Variants in NEBL observed in about 807,000 individuals in gnomAD.
NEBL encodes nebulette.
In NEBL, 122 loss-of-function variants were observed where a neutral mutation model predicts 140.2. The ratio of observed to expected loss-of-function variants is 0.87; its 90% CI spans 0.75 to 1.01. The LOEUF (loss-of-function observed/expected upper bound fraction) is 1.01. NEBL is among the 50% of genes least tolerant of loss of function. The pLI, the probability that NEBL is intolerant of heterozygous loss-of-function variation, is 0.00. For synonymous variants in NEBL, 436 were observed against 398.9 expected (o/e 1.09, Z -1.11); for missense variants, 1,365 against 1,231.3 (o/e 1.11, Z -1.62).
In NEBL at chr10:20,850,790, G is replaced by A. The variant is rs138269177; in HGVS notation, c.1009-288C>T. 1.6e-3 allele frequency among the ~76,000 whole-genome samples: 238 copies of A among 152,274 alleles called. 1 individual carries two copies. The highest frequency in any genetic ancestry group is 2.8e-3 in the African/African-American group (115 of 41,556). Reference sequence around the variant, plus strand: ...TGGCTGGAATATATAGATATGTATCGTATATATGGGGTTATACATGTATAT... The same window carrying A: ...TGGCTGGAATATATAGATATGTATCATATATATGGGGTTATACATGTATAT... On this transcript the variant is annotated intron_variant, in intron 10 of 27. Transcript: ENST00000377122.
chr10:21,156,901 A>C (rs1224392812), intron 2 of NEBL, among the ~76,000 whole-genome samples: 2 of 152,204 alleles, frequency 1.3e-5, no homozygotes, highest in Non-Finnish European at 2.9e-5. Context: ...TTAAAATAAA[A>C]CAAGAACTAT....
chr10:21,068,465 T>C (rs1466657318), intron 2 of NEBL, among the ~76,000 whole-genome samples: 1 of 152,190 alleles, frequency 6.6e-6, no homozygotes, highest in Non-Finnish European at 1.5e-5. Context: ...CTTGGAGCTT[T>C]CAATCAAACT....
At chr10:20,854,536 A>G (rs1842857447) in intron 9 of NEBL, among the ~76,000 whole-genome samples, 1 of 150,760 alleles carries the variant, frequency 6.6e-6, no homozygotes, top group Admixed American at 6.6e-5. Context: ...CCCCCCAGGA[A>G]GGACATGAAA....
chr10:21,224,567 A>G (rs1258868796), intron 3 of NEBL, among the ~76,000 whole-genome samples: 1 of 152,076 alleles, frequency 6.6e-6, no homozygotes, highest in Non-Finnish European at 1.5e-5. Flanking sequence ...TGGTATTTTG[A>G]TAAGGATTGC....
At chr10:20,899,085 A>G (rs1847724381), upstream of NEBL, among the ~76,000 whole-genome samples, 2 of 152,230 alleles carry the variant, frequency 1.3e-5, no homozygotes, top group South Asian at 4.1e-4. Flanking sequence ...GGATTCCACA[A>G]GGACATTCCT....
intron 2 of NEBL, among the ~76,000 whole-genome samples, chr10:20,894,877 C>T (rs1847337998): frequency 1.4e-5 from 2 of 146,922 alleles, no homozygotes; most frequent in Admixed American, 6.9e-5. Flanking sequence ...TGCAGTGAGC[C>T]GAGATCGTGC....
chr10:21,015,543 T>G (rs1411602470), intron 3 of NEBL, among the ~76,000 whole-genome samples: 1 of 152,210 alleles, frequency 6.6e-6, no homozygotes, highest in Non-Finnish European at 1.5e-5. Flanking sequence ...AGTCTTGCTG[T>G]GTCAGCCAGG....
chr10:21,020,130 T>C, exon 3 of NEBL: 1 of 1,613,830 alleles, frequency 6.2e-7, no homozygotes, highest in Non-Finnish European at 8.5e-7. Flanking sequence ...ACTCTGCAAT[T>C]CACTTTGCTG....
At chr10:21,089,187 A>G (rs2131958946) in intron 2 of NEBL, among the ~76,000 whole-genome samples, 1 of 152,320 alleles carries the variant, frequency 6.6e-6, no homozygotes, top group East Asian at 1.9e-4. Flanking sequence ...GGATGCTGAC[A>G]TTCAGGAACT....
chr10:21,186,994 G>A (rs1021650997), intron 3 of NEBL, among the ~76,000 whole-genome samples: 39 of 91,668 alleles, frequency 4.3e-4, no homozygotes, highest in Admixed American at 7.3e-4. Flanking sequence ...CTGTATGTGT[G>A]TGTGTGTGTG....
Position 21,227,721 on chromosome 10 carries a change from TTCTTCTTCTTCTTC to T in NEBL, n.348+20186_348+20199del, listed in dbSNP as rs1842182398. Among the ~76,000 whole-genome samples the T allele has an allele frequency of 1.7e-3, 118 of 69,338 alleles. 1 individual carries two copies. The highest frequency in any genetic ancestry group is 5.3e-3 in the African/African-American group (104 of 19,520). 45.5% of individuals were successfully genotyped at this position (69,338 alleles called of 152,430 possible). A position where few individuals can be genotyped will look rare whatever the true frequency, so the allele number is the denominator to read the frequency against. ...TTCTTCTTCTTCTTCTTTCTTCTTC[TTCTTCTTCTTCTTC>T]TTCTTCTTCTTCTTCTTCTTCTTCT... On this transcript the variant is annotated intron_variant and non_coding_transcript_variant, in intron 3 of 8. Transcript: ENST00000675702.
At chr10:21,145,917 C>A (rs1839869182) in intron 2 of NEBL, among the ~76,000 whole-genome samples, 1 of 152,170 alleles carries the variant, frequency 6.6e-6, no homozygotes, top group African/African-American at 2.4e-5. Flanking sequence ...CTCTGGACCG[C>A]AGCTCGGGCC....
intron 2 of NEBL, among the ~76,000 whole-genome samples, chr10:21,101,947 C>A (rs990828011): frequency 1.3e-5 from 2 of 152,238 alleles, no homozygotes; most frequent in African/African-American, 4.8e-5. Flanking sequence ...AAAGCATTGT[C>A]CAAGACAGAG....
rs780937421 is a variant in NEBL, at chr10:20,858,227, A to G, written c.903+13T>C. On this transcript the variant is annotated intron_variant, in intron 9 of 27. Transcript: ENST00000377122. ...ACAAGGCAACTACGGTTGCCGCTAG[A>G]TGAACCACTTACGCCGCTGAGCATT... 1 of 1,575,416 alleles carries G rather than the reference A, an allele frequency of 6.3e-7. No homozygotes were observed. Among genetic ancestry groups the G allele is most frequent in the East Asian group, 2.2e-5 (1 of 44,636 alleles).
intron 4 of NEBL, among the ~76,000 whole-genome samples, chr10:20,905,657 G>C (rs1848061132): frequency 6.6e-6 from 1 of 152,086 alleles, no homozygotes; most frequent in South Asian, 2.1e-4. Flanking sequence ...CCCTAGAAAA[G>C]GATACTGAAA....
chr10:20,795,700 T>C (rs894167314), intron 26 of NEBL, among the ~76,000 whole-genome samples: 1 of 152,198 alleles, frequency 6.6e-6, no homozygotes, highest in Non-Finnish European at 1.5e-5. Flanking sequence ...CGTCTCCTAA[T>C]GTGACTTCAA....
At chr10:21,007,464 A>G (rs1489511668) in intron 3 of NEBL, among the ~76,000 whole-genome samples, 2 of 152,162 alleles carry the variant, frequency 1.3e-5, no homozygotes, top group Non-Finnish European at 2.9e-5. Flanking sequence ...GCATCTGTCC[A>G]CCTGTCAGAA....
chr10:21,088,338 G>T lies in NEBL; in HGVS notation c.165-68137C>A, dbSNP rs535716154. Among the ~76,000 whole-genome samples, 4 of 152,250 alleles carry T rather than the reference G, an allele frequency of 2.6e-5. No individual in the cohort carries two copies. In the East Asian group the frequency reaches 7.7e-4, roughly 29 times the overall value. ...CAACATAGCAAGACCCTATTTCTGA[G>T]AAAACATTTTAATTATCTGGGTGTT... On this transcript the variant is annotated intron_variant, in intron 2 of 6. Coordinates refer to the NEBL transcript ENST00000417816.
intron 9 of NEBL, among the ~76,000 whole-genome samples, chr10:20,853,581 C>G (rs1217572355): frequency 2.0e-5 from 3 of 152,156 alleles, no homozygotes; most frequent in Non-Finnish European, 4.4e-5. Context: ...TTCACATGTT[C>G]TCACTCATAT....
Sources: allele counts gnomAD v4.1 joint callset (sites outside exome capture counted in the v4.1 genomes callset), GRCh38; gene constraint gnomAD v4.1.1; transcripts MANE v1.5; gene names NCBI Gene and HGNC (gene_info 2026-07-23, HGNC 2026-07-21).